Variants in PRDM10 observed in about 807,000 individuals in gnomAD.
The protein encoded by PRDM10 is PR/SET domain 10, also known as PR domain zinc finger protein 10.
In PRDM10, 65 loss-of-function variants were observed where a neutral mutation model predicts 133.1. That is an observed-to-expected ratio of 0.49 (90% CI 0.40 to 0.60). PRDM10 has a LOEUF of 0.60. Among genes scored for constraint, PRDM10 ranks in the 20% least tolerant of loss-of-function variants. The pLI is 0.00. For synonymous variants in PRDM10, 582 were observed against 580.4 expected, an observed-to-expected ratio of 1.00 and a Z score of -0.04; for missense variants, 1,137 against 1,507.1, an observed-to-expected ratio of 0.75 and a Z score of 4.07.
chr11:129,952,642 G>A (rs776602316), intron 4 of PRDM10, among the ~76,000 whole-genome samples: 3 of 151,930 alleles, frequency 2.0e-5, no homozygotes, highest in East Asian at 1.9e-4. Flanking sequence ...TCAGCCTCCC[G>A]AGTAGCTGAG....
At chr11:129,994,498 G>A (rs1436398196) in intron 1 of PRDM10, among the ~76,000 whole-genome samples, 2 of 150,592 alleles carry the variant, frequency 1.3e-5, no homozygotes, top group African/African-American at 4.9e-5. Context: ...CGAAACTGGT[G>A]GTGGTGGTTT....
At chr11:129,906,024 G>A (rs192185704) in intron 19 of PRDM10, among the ~76,000 whole-genome samples, 190 of 152,254 alleles carry the variant, frequency 1.2e-3, no homozygotes, top group Admixed American at 2.4e-3. Flanking sequence ...CTTGAAATAC[G>A]TCACAAAGAG....
intron 7 of PRDM10, among the ~76,000 whole-genome samples, chr11:129,940,355 C>T (rs1951167813): frequency 6.6e-6 from 1 of 152,136 alleles, no homozygotes; most frequent in African/African-American, 2.4e-5. Flanking sequence ...CTCTGATTAA[C>T]ATTCAATGAT....
intron 1 of PRDM10, among the ~76,000 whole-genome samples, chr11:129,988,729 A>G (rs1359624824): frequency 1.3e-5 from 2 of 152,056 alleles, no homozygotes; most frequent in African/African-American, 4.8e-5. Context: ...TCCCAGGTTC[A>G]CGCCATTCTC....
intron 1 of PRDM10, among the ~76,000 whole-genome samples, chr11:129,966,754 A>G (rs1951915365): frequency 6.6e-6 from 1 of 152,212 alleles, no homozygotes; most frequent in South Asian, 2.1e-4. Context: ...AGGTTGAGTG[A>G]GAAAACAGCA....
chr11:129,930,850 T>C (rs1340477802), intron 11 of PRDM10, among the ~76,000 whole-genome samples, 166 bp downstream of exon 11: 2 of 152,100 alleles, frequency 1.3e-5, no homozygotes, highest in Non-Finnish European at 2.9e-5. Flanking sequence ...ACAGAGACAT[T>C]GAGAAATAGT....
At chr11:129,958,929 A>G (rs1951746488) in intron 2 of PRDM10, among the ~76,000 whole-genome samples, 1 of 152,228 alleles carries the variant, frequency 6.6e-6, no homozygotes, top group African/African-American at 2.4e-5. Flanking sequence ...TCAGCTTTGG[A>G]GGATTGAATT....
intron 1 of PRDM10, among the ~76,000 whole-genome samples, chr11:129,980,147 CA>C (rs1175832973): frequency 2.0e-5 from 3 of 152,142 alleles, no homozygotes; most frequent in African/African-American, 7.2e-5. Flanking sequence ...GTTCCTGGAA[CA>C]ATTAAACATC....
At chr11:129,965,031 CG>C (rs1388414947) in intron 1 of PRDM10, among the ~76,000 whole-genome samples, 23 of 152,216 alleles carry the variant, frequency 1.5e-4, no homozygotes, top group African/African-American at 5.5e-4. Context: ...TTTGGCTGGG[CG>C]AGGTGGCTCA....
At chr11:129,959,190 G>A (rs1951751435) in intron 2 of PRDM10, among the ~76,000 whole-genome samples, 1 of 152,156 alleles carries the variant, frequency 6.6e-6, no homozygotes, top group Admixed American at 6.5e-5. Flanking sequence ...GGAAACCTAA[G>A]AGACAAAATG....
chr11:129,944,626 G>A lies in PRDM10; in HGVS notation c.762+145C>T. 5 of 1,186,396 alleles carry A rather than the reference G, an allele frequency of 4.2e-6. No homozygotes were observed. In the South Asian group the frequency reaches 5.6e-5, roughly 13 times the overall value. 73.5% of individuals were successfully genotyped at this position (1,186,396 alleles called of 1,614,324 possible). ...ATTGCAATCTCCATCTTATTAGTGAGTTTCCATTTAACCAAGTTAAGATAG... is the reference window on the plus strand; with the variant it reads ...ATTGCAATCTCCATCTTATTAGTGAATTTCCATTTAACCAAGTTAAGATAG... On this transcript the variant is annotated intron_variant, in intron 6 of 20. Transcript: ENST00000360871.
At chr11:129,932,293 G>A (rs962298225) in intron 9 of PRDM10, 62 bp from the exon 10 acceptor site, 69 of 1,574,778 alleles carry the variant, frequency 4.4e-5, no homozygotes, top group Non-Finnish European at 1.7e-5. Context: ...AACAAGTAGC[G>A]ACCTAAATGA....
At chr11:129,983,808 G>A (rs942702510) in intron 1 of PRDM10, among the ~76,000 whole-genome samples, 2 of 152,130 alleles carry the variant, frequency 1.3e-5, no homozygotes, top group East Asian at 1.9e-4. Flanking sequence ...ACTCCTCAAG[G>A]TAGCCTAGAG....
intron 17 of PRDM10, among the ~76,000 whole-genome samples, chr11:129,913,657 T>A (rs1950262791): frequency 6.6e-6 from 1 of 152,182 alleles, no homozygotes; most frequent in Non-Finnish European, 1.5e-5. Context: ...TACCTATACA[T>A]CATAATTTAC....
At chr11:129,977,080 T>C (rs1045388178) in intron 1 of PRDM10, among the ~76,000 whole-genome samples, 1 of 152,020 alleles carries the variant, frequency 6.6e-6, no homozygotes, top group Non-Finnish European at 1.5e-5. Context: ...CCTTCTTCTC[T>C]ACACCTTACA....
rs1425532107 is a variant in PRDM10, at chr11:129,899,935, T to C, written c.*2378A>G. On this transcript the variant is annotated 3_prime_UTR_variant, in exon 21 of 21. Coordinates refer to ENST00000360871, the MANE Select transcript of PRDM10 (RefSeq NM_199437.2). The stretch of plus-strand genomic sequence containing the variant: ...TTAAGAGTTTTTTTGAAAGGATACT[T>C]CCAAGTCAGAAAACAAGAAGATCAA... 1 of 152,592 alleles carries C rather than the reference T, an allele frequency of 6.6e-6. No homozygotes were observed. Among genetic ancestry groups the C allele is most frequent in the Non-Finnish European group, 1.5e-5 (1 of 68,038 alleles). 9.5% of individuals were successfully genotyped at this position (152,592 alleles called of 1,614,324 possible). A position where few individuals can be genotyped will look rare whatever the true frequency, so the allele number is the denominator to read the frequency against.
In PRDM10 at chr11:129,923,197, A is replaced by C; in HGVS notation, c.2034+51T>G. 6.6e-7 allele frequency: 1 copy of C among 1,505,228 alleles called. No homozygotes were observed. Among genetic ancestry groups the C allele is most frequent in the Non-Finnish European group, 8.9e-7 (1 of 1,122,690 alleles). The allele number at this position is 1,505,228 out of a possible 1,614,324, so 93.2% of individuals were successfully genotyped here. ...AACAGGCATTTACCCTCAGCTTGCTATAATTCCAGTGGCCACGAGAACCAC... is the reference window on the plus strand; with the variant it reads ...AACAGGCATTTACCCTCAGCTTGCTCTAATTCCAGTGGCCACGAGAACCAC... On this transcript the variant is annotated intron_variant, in intron 13 of 20. Transcript: ENST00000360871. This position sits in a 1 kb window ranked among gnomAD's most constrained non-coding sequence, Gnocchi z 4.4.
rs531498991 is a variant in PRDM10 at position 129,933,919 on chromosome 11, C to T, written c.1157+1182G>A. Among the ~76,000 whole-genome samples, 26 of 152,294 alleles carry T rather than the reference C, an allele frequency of 1.7e-4. No homozygotes were observed. In the South Asian group the frequency reaches 2.1e-3, roughly 12 times the overall value. On this transcript the variant is annotated intron_variant, in intron 9 of 20. Transcript: ENST00000360871. The stretch of plus-strand genomic sequence containing the variant: ...GACACTACCCTGGCTCTGTAGTTTA[C>T]TCCCTCTAGTACCCAGCACTCAGCA...
intron 17 of PRDM10, among the ~76,000 whole-genome samples, chr11:129,913,236 A>T (rs1180705762): frequency 2.6e-5 from 4 of 151,774 alleles, no homozygotes; most frequent in African/African-American, 4.8e-5. Flanking sequence ...AAAAAAAAAA[A>T]AAAACCAAAA....
Sources: allele counts gnomAD v4.1 joint callset (sites outside exome capture counted in the v4.1 genomes callset), GRCh38; gene constraint gnomAD v4.1.1; non-coding constraint Gnocchi (gnomAD v3.1); transcripts MANE v1.5; gene names NCBI Gene and HGNC (gene_info 2026-07-23, HGNC 2026-07-21).